Variants in TFPT observed in about 807,000 individuals in gnomAD.
TFPT encodes the protein INO80 complex subunit F.
A neutral mutation model predicts 28.8 loss-of-function variants in TFPT; 27 were observed. The ratio of observed to expected loss-of-function variants is 0.94; its 90% CI spans 0.69 to 1.29. TFPT has a LOEUF of 1.29. TFPT is among the 50% of genes most tolerant of loss of function. The pLI is 0.00. For synonymous variants in TFPT, 152 were observed against 142.8 expected (o/e 1.06, Z -0.46); for missense variants, 330 against 338.0 (o/e 0.98, Z 0.19).
intron 2 of TFPT, among the ~76,000 whole-genome samples, 170 bp downstream of exon 2, chr19:54,114,272 C>A (rs1301382965): frequency 6.6e-6 from 1 of 152,166 alleles, no homozygotes; most frequent in East Asian, 1.9e-4. Context: ...CTTCCAGGGG[C>A]CCGGCACAGG....
In TFPT at chr19:54,108,367, CGT is replaced by C; in HGVS notation, c.380_381del (p.Tyr127TrpfsTer3). Reference sequence around the variant, plus strand: ...AACTGGCTGGCCCGGTAGTCATCCCCGTAGGAGTCCAGCACTCTCATGAGGAA... The same window carrying C: ...AACTGGCTGGCCCGGTAGTCATCCCCAGGAGTCCAGCACTCTCATGAGGAA... The part of the protein sequence containing the change: ...RRFLMRVLDS[Y>X]GDDYRASQFT... On this transcript the variant is annotated frameshift_variant, in exon 4 of 6. Transcript: ENST00000391759. LOFTEE classifies it high-confidence loss of function. 6.2e-7 allele frequency: 1 copy of C among 1,612,464 alleles called. No individual in the cohort carries two copies. Among genetic ancestry groups the C allele is most frequent in the Non-Finnish European group, 8.5e-7 (1 of 1,179,276 alleles).
rs1343677364 is a variant in TFPT, at chr19:54,108,405, G to A, written c.354-10C>T. ...CACTCTCATGAGGAACCTGCTCAGG[G>A]GGAGAAGCCACCAACGGAATAACTT... On this transcript the variant is annotated splice_polypyrimidine_tract_variant and intron_variant, in intron 3 of 5. Transcript: ENST00000391759. The A allele has an allele frequency of 6.2e-7, 1 of 1,614,024 alleles. No individual in the cohort carries two copies. The highest frequency in any genetic ancestry group is 1.1e-5 in the South Asian group (1 of 91,060).
chr19:54,108,193 C>T lies in TFPT; in HGVS notation c.475G>A (p.Glu159Lys), dbSNP rs2073336251. 6.3e-7 allele frequency: 1 copy of T among 1,597,078 alleles called. No individual in the cohort carries two copies. Among genetic ancestry groups the T allele is most frequent in the African/African-American group, 1.3e-5 (1 of 74,748 alleles). Residue 159 changes from glutamate to lysine, a missense_variant, in exon 5 of 6, where the codon GAG (glutamate) becomes AAG (lysine). Coordinates refer to ENST00000391759, the MANE Select transcript of TFPT (RefSeq NM_013342.4). ...GACAGTGTCTCTTTCTCTGGAGGCT[C>T]ATTCTCCGCATTGCCTGGGGTGGGG... ...DAPTPGNAEN[E>K]PPEKETLSPP...
rs1286254299 is a variant in TFPT at position 54,108,229 on chromosome 19, C to T, written c.439G>A (p.Gly147Ser). 1.0e-5 allele frequency: 16 copies of T among 1,591,268 alleles called. No individual in the cohort carries two copies. The highest frequency in any genetic ancestry group is 5.3e-5 in the Admixed American group (3 of 56,182). Reference protein sequence around the residue: ...TIVLEDEGSQGTDAPTPGNAE... With the variant: ...TIVLEDEGSQSTDAPTPGNAE... ...TTGCCTGGGGTGGGGGCATCCGTGC[C>T]CTGGCTGCCCTCATCCTGGCAGGCA... Residue 147 changes from glycine to serine, a missense_variant, in exon 5 of 6, where the codon GGC (glycine) becomes AGC (serine). Physicochemically the swap from Gly to Ser is moderately conservative, Grantham distance 56. Coordinates refer to ENST00000391759, the MANE Select transcript of TFPT (RefSeq NM_013342.4).
chr19:54,108,440 C>T (rs749921985), intron 3 of TFPT, 45 bp from the exon 4 acceptor site: 13 of 1,613,844 alleles, frequency 8.1e-6, no homozygotes, highest in Middle Eastern at 1.6e-4. Context: ...TATCTCCTAG[C>T]GGCTGGGGAA....
At position 54,114,472 on chromosome 19, in the gene TFPT, T is replaced by C. The variant is rs1458757989; in HGVS notation, c.252A>G (p.Ala84=). 1.2e-6 allele frequency: 2 copies of C among 1,613,678 alleles called. No homozygotes were observed. Among genetic ancestry groups the C allele is most frequent in the South Asian group, 1.1e-5 (1 of 91,074 alleles). The part of the protein sequence containing the change: ...QRELNRRKYQ[A]LGRRCREIEQ... ...CGATCTCCCGGCAGCGCCGACCTAG[T>C]GCCTGGTACTTTCTGCGATTTAATT... The change falls in exon 2 of 6, where the codon GCA becomes GCG. Residue 84 remains alanine (A), a synonymous_variant. Transcript: ENST00000391759.
At chr19:54,107,658 G>A in intron 5 of TFPT, 1 of 321,172 alleles carries the variant, frequency 3.1e-6, no homozygotes, top group Non-Finnish European at 5.7e-6. Flanking sequence ...CCCCACACTG[G>A]GCCTTCCCTT....
chr19:54,107,744 C>T (rs2073312789), intron 5 of TFPT, among the ~76,000 whole-genome samples: 1 of 152,148 alleles, frequency 6.6e-6, no homozygotes, highest in Non-Finnish European at 1.5e-5. Flanking sequence ...TCCAGGTCTT[C>T]CTCTTTCCCT....
At position 54,107,060 on chromosome 19, in the gene TFPT, G is replaced by A; in HGVS notation, c.752C>T (p.Ala251Val). 6.2e-7 allele frequency: 1 copy of A among 1,613,716 alleles called. No homozygotes were observed. Among genetic ancestry groups the A allele is most frequent in the Non-Finnish European group, 8.5e-7 (1 of 1,179,926 alleles). ...LLPYPTLASPASD is the reference protein window; with the variant it reads ...LLPYPTLASPVSD ...TTTATTGGGCATGCGTCAGTCAGAGGCTGGGCTGGCCAGGGTCGGGTAGGG... is the reference window on the plus strand; with the variant it reads ...TTTATTGGGCATGCGTCAGTCAGAGACTGGGCTGGCCAGGGTCGGGTAGGG... Residue 251 changes from alanine (A) to valine (V), a missense_variant, in exon 6 of 6, where the codon GCC (alanine) becomes GTC (valine). Ala to Val is a moderately conservative substitution (Grantham distance 64, BLOSUM62 0). Transcript: ENST00000391759.
In TFPT at chr19:54,109,935, G is replaced by C. The variant is rs960561851; in HGVS notation, c.353+116C>G. 6.0e-5 allele frequency: 42 copies of C among 695,394 alleles called. No homozygotes were observed. In the African/African-American group the frequency reaches 1.5e-3, roughly 25 times the overall value. 43.1% of individuals were successfully genotyped at this position (695,394 alleles called of 1,614,324 possible). On this transcript the variant is annotated intron_variant, in intron 3 of 5. Transcript: ENST00000391759. Reference sequence around the variant, plus strand: ...GCCTCAGCCCCCGGCCCTCATCTCCGGCTTCTCCTTGTGGCTTGTGAGGGT... The same window carrying C: ...GCCTCAGCCCCCGGCCCTCATCTCCCGCTTCTCCTTGTGGCTTGTGAGGGT...
intron 2 of TFPT, among the ~76,000 whole-genome samples, chr19:54,112,793 AAG>A (rs1413577620): frequency 3.3e-5 from 5 of 151,758 alleles, no homozygotes; most frequent in Non-Finnish European, 4.4e-5. Flanking sequence ...TGTCTCAAGA[AAG>A]AGAAAAAGAG....
Position 54,108,379 on chromosome 19 carries a change from G to C in TFPT, c.370C>G (p.Leu124Val). 1 of 1,613,370 alleles carries C rather than the reference G, an allele frequency of 6.2e-7. No individual in the cohort carries two copies. Among genetic ancestry groups the C allele is most frequent in the Non-Finnish European group, 8.5e-7 (1 of 1,179,648 alleles). ...CGGTAGTCATCCCCGTAGGAGTCCA[G>C]CACTCTCATGAGGAACCTGCTCAGG... is the stretch of plus-strand genomic sequence containing the variant. ...QQERRFLMRV[L>V]DSYGDDYRAS... The change falls in exon 4 of 6, where the codon CTG (leucine) becomes GTG (valine). Residue 124 changes from leucine to valine, a missense_variant. Coordinates refer to ENST00000391759, the MANE Select transcript of TFPT (RefSeq NM_013342.4).
chr19:54,108,728 T>G, intron 3 of TFPT: 8 of 899,694 alleles, frequency 8.9e-6, no homozygotes, highest in Non-Finnish European at 1.3e-5. Flanking sequence ...CATTCATATG[T>G]GAGTTATAAT....
intron 3 of TFPT, chr19:54,108,648 T>TGCAGCGGTGACACTGAAGTAGTG: frequency 6.8e-7 from 1 of 1,460,052 alleles, no homozygotes; most frequent in South Asian, 1.4e-5. Context: ...GGCTGGATGT[T>TGCAGCGGTGACACTGAAGTAGTG]GCAGCGGTGA....
intron 3 of TFPT, 114 bp downstream of exon 3, chr19:54,109,937 C>T: frequency 1.1e-6 from 1 of 896,014 alleles, no homozygotes. Context: ...TCATCTCCGG[C>T]TTCTCCTTGT....
intron 4 of TFPT, 29 bp downstream of exon 4, chr19:54,108,297 C>A (rs749148390): frequency 6.3e-7 from 1 of 1,583,002 alleles, no homozygotes; most frequent in Non-Finnish European, 8.6e-7. Context: ...GCTCCCAGTT[C>A]CTGACCCTCC....
At chr19:54,114,814 C>A in intron 1 of TFPT, 114 bp from the exon 2 acceptor site, 13 of 1,397,278 alleles carry the variant, frequency 9.3e-6, no homozygotes, top group Non-Finnish European at 1.2e-5. Context: ...AGAATCCAGG[C>A]CCCCAGCCCC....
Position 54,115,238 on chromosome 19 carries a change from G to A in TFPT, c.23+9C>T. 1 of 1,614,082 alleles carries A rather than the reference G, an allele frequency of 6.2e-7. No individual in the cohort carries two copies. The highest frequency in any genetic ancestry group is 1.1e-5 in the South Asian group (1 of 91,084). On this transcript the variant is annotated intron_variant, in intron 1 of 5. Coordinates refer to ENST00000391759, the MANE Select transcript of TFPT (RefSeq NM_013342.4). Reference sequence around the variant, plus strand: ...ATTCGCACTTTTTCACAAGGGCTCAGCCACATACCCTTCTCTCTGCTCCAA... The same window carrying A: ...ATTCGCACTTTTTCACAAGGGCTCAACCACATACCCTTCTCTCTGCTCCAA...
chr19:54,114,294 A>T lies in TFPT; in HGVS notation c.282+148T>A, dbSNP rs587657585. 588 of 1,331,534 alleles carry T rather than the reference A, an allele frequency of 4.4e-4. 2 individuals are homozygous for T. The African/African-American group carries it at 8.0e-3, about 18-fold the overall frequency. 82.5% of individuals were successfully genotyped at this position (1,331,534 alleles called of 1,614,324 possible). On this transcript the variant is annotated intron_variant, in intron 2 of 5. Transcript: ENST00000391759. ...GGGCCCGGCACAGGGCCAGACACAT[A>T]ATGCATGCTAAATGACTGAATATAT...
Sources: allele counts gnomAD v4.1 joint callset (sites outside exome capture counted in the v4.1 genomes callset), GRCh38; gene constraint gnomAD v4.1.1; transcripts MANE v1.5; gene names NCBI Gene and HGNC (gene_info 2026-07-23, HGNC 2026-07-21).